STS: variants seen among roughly 807,000 people sequenced by gnomAD.
STS encodes steryl-sulfatase.
Under a neutral mutation model 26.8 loss-of-function variants are expected in STS, and 7 were observed. That is an observed-to-expected ratio of 0.26 (90% CI 0.15 to 0.49). The LOEUF (loss-of-function observed/expected upper bound fraction) is 0.49. Among genes scored for constraint, STS ranks in the 20% least tolerant of loss-of-function variants. The probability of loss-of-function intolerance (pLI) is 0.98; values close to 1 mark genes in which losing one functional copy is unlikely to be tolerated. For missense variants in STS, 434 were observed against 465.6 expected (o/e 0.93, Z 0.63); for synonymous variants, 199 against 189.4 (o/e 1.05, Z -0.42).
At chrX:7,315,669 C>A (rs1926682400) in intron 8 of STS, among the ~76,000 whole-genome samples, 1 of 111,262 alleles carries the variant, frequency 9.0e-6, no homozygotes, top group African/African-American at 3.3e-5. Flanking sequence ...CTGGTGTAAG[C>A]CCAGGAATCC....
At chrX:7,166,148 C>T (rs1224836201) in intron 1 of STS, among the ~76,000 whole-genome samples, 2 of 109,738 alleles carry the variant, frequency 1.8e-5, no homozygotes, top group South Asian at 4.0e-4. Context: ...GCTAGGGCTA[C>T]AGGTGCATAC....
intron 2 of STS, among the ~76,000 whole-genome samples, chrX:7,243,566 C>T (rs1312563359): frequency 9.0e-6 from 1 of 111,566 alleles, no homozygotes; most frequent in East Asian, 2.8e-4. Context: ...AGAATAAAAG[C>T]CAGCAAAAAG....
chrX:7,199,753 G>A (rs1215576816), intron 2 of STS, among the ~76,000 whole-genome samples: 1 of 111,235 alleles, frequency 9.0e-6, no homozygotes, highest in Admixed American at 9.6e-5. Context: ...TAATGAATCA[G>A]ATGTCATTTC....
intron 2 of STS, among the ~76,000 whole-genome samples, chrX:7,193,957 T>A (rs1933924401): frequency 9.0e-6 from 1 of 111,585 alleles, no homozygotes; most frequent in Non-Finnish European, 1.9e-5. Flanking sequence ...AGGCTGGAAG[T>A]GCAGTGGCAC....
At chrX:7,244,782 A>T (rs1447341280) in intron 2 of STS, among the ~76,000 whole-genome samples, 1 of 111,388 alleles carries the variant, frequency 9.0e-6, no homozygotes, top group African/African-American at 3.3e-5. Flanking sequence ...TCCAGTCCAC[A>T]TGTCAATAGT....
At chrX:7,290,864 G>A (rs1925381514) in intron 7 of STS, among the ~76,000 whole-genome samples, 1 of 111,717 alleles carries the variant, frequency 9.0e-6, no homozygotes, top group Admixed American at 9.5e-5. Flanking sequence ...TAAGCACTGG[G>A]CAAACATTCA....
chrX:7,299,571 T>G (rs1265165717), intron 7 of STS, among the ~76,000 whole-genome samples: 1 of 109,569 alleles, frequency 9.1e-6, no homozygotes, highest in Non-Finnish European at 1.9e-5. Context: ...TATAGTGACT[T>G]CATAGCACTT....
chrX:7,306,176 ATCT>A (rs1926206760), intron 8 of STS, among the ~76,000 whole-genome samples: 1 of 111,495 alleles, frequency 9.0e-6, no homozygotes, highest in African/African-American at 3.3e-5. Context: ...ATTTAGACAT[ATCT>A]TATGTACTTA....
At chrX:7,235,460 T>C (rs749700135) in intron 2 of STS, among the ~76,000 whole-genome samples, 6 of 111,909 alleles carry the variant, frequency 5.4e-5, no homozygotes, top group Non-Finnish European at 9.4e-5. Flanking sequence ...TTGAACCTTC[T>C]TCAGAAAAAC....
intron 7 of STS, among the ~76,000 whole-genome samples, chrX:7,288,437 A>C (rs181900189): frequency 1.6e-3 from 176 of 111,066 alleles, no homozygotes; most frequent in African/African-American, 5.5e-3. Context: ...GAAACTCAAA[A>C]TGCTCCAATG....
At chrX:7,241,629 C>T (rs1922623805) in intron 2 of STS, among the ~76,000 whole-genome samples, 1 of 112,095 alleles carries the variant, frequency 8.9e-6, no homozygotes, top group Non-Finnish European at 1.9e-5. Context: ...TTCTCGTCCT[C>T]ATTGACAAAA....
In STS at chrX:7,259,717, T is replaced by G; in HGVS notation, c.751T>G (p.Ser251Ala). Reference sequence around the variant, plus strand: ...CTACGAGATCATTCAGCAGCCCATGTCCTATGACAATCTCACCCAGAGGCT... The same window carrying G: ...CTACGAGATCATTCAGCAGCCCATGGCCTATGACAATCTCACCCAGAGGCT... ...RNYEIIQQPMSYDNLTQRLTV... is the reference protein window; with the variant it reads ...RNYEIIQQPMAYDNLTQRLTV... Residue 251 changes from serine (S) to alanine (A), a missense_variant, in exon 6 of 11, where the codon TCC (serine) becomes GCC (alanine). This residue lies in a region of STS where 229 missense variants were observed against 288.3 expected (regional missense o/e 0.79). Coordinates refer to ENST00000674429, the MANE Select transcript of STS (RefSeq NM_001320752.2). 8.3e-7 allele frequency: 1 copy of G among 1,211,524 alleles called. No individual in the cohort carries two copies. Among genetic ancestry groups the G allele is most frequent in the Non-Finnish European group, 1.1e-6 (1 of 895,422 alleles).
intron 10 of STS, among the ~76,000 whole-genome samples, chrX:7,349,256 G>A (rs1427750334): frequency 2.1e-5 from 2 of 93,191 alleles, no homozygotes; most frequent in Non-Finnish European, 4.1e-5. Context: ...CTTCCACCTC[G>A]GCCTCCCAAA....
At chrX:7,267,456 G>T (rs1201863734) in intron 6 of STS, among the ~76,000 whole-genome samples, 1 of 112,015 alleles carries the variant, frequency 8.9e-6, no homozygotes. Flanking sequence ...TTTTAAAAAG[G>T]TGTCATGCTG....
chrX:7,258,056 A>ATAGCTAGC (rs1211183189), intron 5 of STS, among the ~76,000 whole-genome samples: 1 of 106,839 alleles, frequency 9.4e-6, no homozygotes, highest in Non-Finnish European at 1.9e-5. Context: ...GGAATAGATG[A>ATAGCTAGC]TAGCTAGCTA....
chrX:7,257,682 T>A (rs1384851123), intron 5 of STS, 94 bp downstream of exon 5: 3 of 1,091,088 alleles, frequency 2.7e-6, no homozygotes, highest in Non-Finnish European at 2.5e-6. Context: ...GAGGACATCA[T>A]GACAGTTATC....
chrX:7,244,836 G>C (rs1922789945), intron 2 of STS, among the ~76,000 whole-genome samples: 2 of 111,599 alleles, frequency 1.8e-5, no homozygotes, highest in Admixed American at 1.9e-4. Flanking sequence ...AGGTCCCTAA[G>C]TCAAATATCA....
intron 9 of STS, among the ~76,000 whole-genome samples, chrX:7,331,887 T>TAA (rs11396837): frequency 0.032 from 2,411 of 74,208 alleles, 117 homozygotes; most frequent in African/African-American, 0.11. Flanking sequence ...TGTGGGATAT[T>TAA]AAAAAAAAAA....
At chrX:7,235,200 A>G (rs1922259261) in intron 2 of STS, among the ~76,000 whole-genome samples, 1 of 112,233 alleles carries the variant, frequency 8.9e-6, no homozygotes, top group East Asian at 2.8e-4. Context: ...CTCCTTCCAC[A>G]TGGTAACTTT....
Sources: gnomAD v4.1 joint callset for allele counts (sites outside exome capture counted in the v4.1 genomes callset) on GRCh38, gnomAD v4.1.1 for gene constraint, gnomAD v4.1.1 regional missense constraint, MANE v1.5 for transcripts, NCBI Gene and HGNC (gene_info 2026-07-23, HGNC 2026-07-21) for gene names.